Variants in ATP2A2 observed in about 807,000 individuals in gnomAD.
ATP2A2 encodes the protein sarcoplasmic/endoplasmic reticulum calcium ATPase 2.
In ATP2A2, 14 loss-of-function variants were observed where a neutral mutation model predicts 109.3. The observed-to-expected ratio is 0.13, with a 90% CI of 0.08 to 0.20. The LOEUF is 0.20. ATP2A2 is among the 10% of genes least tolerant of loss of function. The pLI is 1.00. For synonymous variants in ATP2A2, 506 were observed against 490.9 expected (o/e 1.03, Z -0.41); for missense variants, 657 against 1,321.6 (o/e 0.50, Z 7.80).
At chr12:110,322,459 A>G (rs1877340258) in intron 5 of ATP2A2, among the ~76,000 whole-genome samples, 1 of 151,932 alleles carries the variant, frequency 6.6e-6, no homozygotes, top group African/African-American at 2.4e-5. Context: ...CCTGGGTGAC[A>G]GAGCAAGGCC....
chr12:110,287,345 A>G (rs1458883936), intron 3 of ATP2A2, among the ~76,000 whole-genome samples: 1 of 152,118 alleles, frequency 6.6e-6, no homozygotes, highest in Non-Finnish European at 1.5e-5. Context: ...ACAGAGATTA[A>G]TCTTGTGGAT....
chr12:110,300,371 T>A (rs1431268407), intron 5 of ATP2A2, among the ~76,000 whole-genome samples: 24 of 144,480 alleles, frequency 1.7e-4, no homozygotes, highest in Admixed American at 6.2e-4. Flanking sequence ...TTTTTTTTTT[T>A]AAAGACGGAA....
chr12:110,346,752 C>T lies in ATP2A2; in HGVS notation c.*282C>T, dbSNP rs1319433771. 2.4e-6 allele frequency: 3 copies of T among 1,251,820 alleles called. No individual in the cohort carries two copies. The highest frequency in any genetic ancestry group is 3.1e-5 in the African/African-American group (2 of 64,692). 77.5% of individuals were successfully genotyped at this position (1,251,820 alleles called of 1,614,324 possible). ...AGCATGTACAGTGTTCTGTTTAATACTCATCCTTGTATAAAAAAAATAGTT... is the reference window on the plus strand; with the variant it reads ...AGCATGTACAGTGTTCTGTTTAATATTCATCCTTGTATAAAAAAAATAGTT... On this transcript the variant is annotated 3_prime_UTR_variant, in exon 20 of 20. Coordinates refer to ENST00000539276, the MANE Select transcript of ATP2A2 (RefSeq NM_170665.4).
At chr12:110,294,342 C>T (rs969969713) in intron 4 of ATP2A2, among the ~76,000 whole-genome samples, 2 of 151,648 alleles carry the variant, frequency 1.3e-5, no homozygotes, top group Non-Finnish European at 2.9e-5. Context: ...TGTGCCTGGC[C>T]TTCTTCTTAT....
chr12:110,345,933 G>A, intron 18 of ATP2A2, 68 bp from the exon 19 acceptor site: 4 of 1,474,008 alleles, frequency 2.7e-6, no homozygotes, highest in Non-Finnish European at 3.8e-6. Context: ...GTCCAACAGG[G>A]TCTTACTGCC....
intron 5 of ATP2A2, among the ~76,000 whole-genome samples, chr12:110,303,798 C>T (rs900506636): frequency 7.2e-5 from 11 of 152,002 alleles, no homozygotes; most frequent in Admixed American, 3.9e-4. Flanking sequence ...TGGCCTCAAG[C>T]GATCCACCTG....
chr12:110,311,613 A>G (rs12228526), intron 5 of ATP2A2, among the ~76,000 whole-genome samples: 1 of 144,940 alleles, frequency 6.9e-6, no homozygotes, highest in South Asian at 2.2e-4. Context: ...AAAAAAAAAA[A>G]AAAAAAAAAC....
intron 11 of ATP2A2, among the ~76,000 whole-genome samples, chr12:110,335,655 G>A (rs1046370783): frequency 6.6e-6 from 1 of 152,270 alleles, no homozygotes; most frequent in African/African-American, 2.4e-5. Context: ...GTGTGGGTCA[G>A]TCGGTCACGT....
chr12:110,284,742 TTACTGCTCAGGAAA>T (rs1349728290), intron 3 of ATP2A2, among the ~76,000 whole-genome samples: 2 of 152,140 alleles, frequency 1.3e-5, no homozygotes, highest in Admixed American at 1.3e-4. Flanking sequence ...AACTGTGGAG[TTACTGCTCAGGAAA>T]TGAACTGTGT....
At chr12:110,310,876 AGCAGGTATAAACT>A (rs1349308820) in intron 5 of ATP2A2, among the ~76,000 whole-genome samples, 1 of 152,246 alleles carries the variant, frequency 6.6e-6, no homozygotes, top group Non-Finnish European at 1.5e-5. Context: ...GAGATTTAGT[AGCAGGTATAAACT>A]GCTTTTGAAG....
chr12:110,291,207 T>C (rs1873249207), intron 3 of ATP2A2, among the ~76,000 whole-genome samples: 1 of 146,008 alleles, frequency 6.8e-6, no homozygotes, highest in Non-Finnish European at 1.5e-5. Context: ...CGCACCCGGC[T>C]TTTTTTTTTG....
At position 110,342,516 on chromosome 12, in the gene ATP2A2, G is replaced by A. The variant is rs1001149534; in HGVS notation, c.2318+68G>A. On this transcript the variant is annotated intron_variant, in intron 15 of 19. Transcript: ENST00000539276. This position sits in a 1 kb window ranked among gnomAD's most constrained non-coding sequence, Gnocchi z 4.6. ...AAATGGGTCATGGAGCCCAGTTCTC[G>A]CAGTTTGCTCTCCAGATTGCAGCAG... The A allele has an allele frequency of 1.6e-5, 24 of 1,533,938 alleles. No homozygotes were observed. The highest frequency in any genetic ancestry group is 1.2e-4 in the East Asian group (5 of 43,450).
chr12:110,348,964 G>GACTT lies in ATP2A2; in HGVS notation c.*2496_*2499dup. ...TCAGCTTTTCCTGACTCAGTTCCTT[G>GACTT]ACTTAGTGGCCTTTACAAAAAAAGT... On this transcript the variant is annotated 3_prime_UTR_variant, in exon 20 of 20. Transcript: ENST00000539276. 1.0e-6 allele frequency: 1 copy of GACTT among 985,416 alleles called. No homozygotes were observed. Among genetic ancestry groups the GACTT allele is most frequent in the African/African-American group, 1.7e-5 (1 of 57,338 alleles). The allele number at this position is 985,416 out of a possible 1,614,324, so 61.0% of individuals were successfully genotyped here.
chr12:110,297,991 TAG>T lies in ATP2A2; in HGVS notation c.463+1259_463+1260del, dbSNP rs113018499. Reference sequence around the variant, plus strand: ...GGTTGTTTGTTTTGGCTATTTCACTTAGAGAGTCATTGCATACTGTTATTCAG... The same window carrying T: ...GGTTGTTTGTTTTGGCTATTTCACTTAGAGTCATTGCATACTGTTATTCAG... On this transcript the variant is annotated intron_variant, in intron 5 of 19. Coordinates refer to ENST00000539276, the MANE Select transcript of ATP2A2 (RefSeq NM_170665.4). Among the ~76,000 whole-genome samples the T allele has an allele frequency of 1.5e-3, 225 of 152,322 alleles. 1 individual carries two copies. The highest frequency in any genetic ancestry group is 5.2e-3 in the African/African-American group (215 of 41,572).
chr12:110,339,851 C>T lies in ATP2A2; in HGVS notation c.1761+130C>T. On this transcript the variant is annotated intron_variant, in intron 13 of 19. Transcript: ENST00000539276. The surrounding 1 kb of genome is among the most constrained non-coding windows in gnomAD (Gnocchi z 4.4). ...AGAGGTGTGGTTATTTGTTTTTCTG[C>T]CTGCCAGCTGTGTCACCCTTAAAAT... The T allele has an allele frequency of 1.0e-6, 1 of 991,484 alleles. No individual in the cohort carries two copies. The highest frequency in any genetic ancestry group is 1.5e-6 in the Non-Finnish European group (1 of 651,434). The allele number at this position is 991,484 out of a possible 1,614,324, so 61.4% of individuals were successfully genotyped here.
At chr12:110,282,687 A>G (rs1163937615) in intron 2 of ATP2A2, 26 bp from the exon 3 acceptor site, 1 of 1,613,668 alleles carries the variant, frequency 6.2e-7, no homozygotes, top group Non-Finnish European at 8.5e-7. Context: ...GATGACAGTT[A>G]AAACACATGT....
At chr12:110,309,261 G>A (rs950002745) in intron 5 of ATP2A2, among the ~76,000 whole-genome samples, 4 of 139,614 alleles carry the variant, frequency 2.9e-5, no homozygotes, top group East Asian at 2.3e-4. Context: ...GGGTTCAAGC[G>A]ATTCTCCTGC....
chr12:110,293,046 G>A (rs75415123), intron 4 of ATP2A2, among the ~76,000 whole-genome samples: 1,736 of 152,042 alleles, frequency 0.011, 17 homozygotes, highest in Non-Finnish European at 0.016. Flanking sequence ...GGTATTTGAC[G>A]GATATAATCA....
chr12:110,347,574 G>T lies in ATP2A2; in HGVS notation c.*1104G>T. The T allele has an allele frequency of 8.0e-7, 1 of 1,252,456 alleles. No homozygotes were observed. Among genetic ancestry groups the T allele is most frequent in the Non-Finnish European group, 1.0e-6 (1 of 967,378 alleles). The allele number at this position is 1,252,456 out of a possible 1,614,324, so 77.6% of individuals were successfully genotyped here. A position where few individuals can be genotyped will look rare whatever the true frequency, so the allele number is the denominator to read the frequency against. ...AACATAAGGGCAAGTGTGTATGTGTGTGTATGTGTGTGTTTTGTAAAATCT... is the reference window on the plus strand; with the variant it reads ...AACATAAGGGCAAGTGTGTATGTGTTTGTATGTGTGTGTTTTGTAAAATCT... On this transcript the variant is annotated 3_prime_UTR_variant, in exon 20 of 20. Transcript: ENST00000539276.
Sources: allele counts gnomAD v4.1 joint callset (sites outside exome capture counted in the v4.1 genomes callset), GRCh38; gene constraint gnomAD v4.1.1; non-coding constraint Gnocchi (gnomAD v3.1); transcripts MANE v1.5; gene names NCBI Gene and HGNC (gene_info 2026-07-23, HGNC 2026-07-21).